The following EYS variants were observed in gnomAD, a reference collection of about 807,000 sequenced individuals.
The protein encoded by EYS is protein eyes shut homolog.
Under a neutral mutation model 282.1 loss-of-function variants are expected in EYS, and 250 were observed. The ratio of observed to expected loss-of-function variants is 0.89; its 90% CI spans 0.80 to 0.98. The LOEUF (loss-of-function observed/expected upper bound fraction) is 0.98. Ranked by LOEUF, EYS falls within the 50% of genes least tolerant of loss-of-function variation. The pLI, the probability that EYS is intolerant of heterozygous loss-of-function variation, is 0.00. For missense variants in EYS, 4,016 were observed against 3,709.0 expected (o/e 1.08, Z -2.15); for synonymous variants, 1,355 against 1,282.9 (o/e 1.06, Z -1.20).
At chr6:63,750,235 A>T (rs980006967) in intron 41 of EYS, among the ~76,000 whole-genome samples, 7 of 152,188 alleles carry the variant, frequency 4.6e-5, no homozygotes, top group African/African-American at 1.7e-4. Flanking sequence ...CTTGTTAAGC[A>T]GCTCATATAT....
intron 35 of EYS, among the ~76,000 whole-genome samples, chr6:63,872,992 A>G (rs1219954482): frequency 6.8e-6 from 1 of 146,076 alleles, no homozygotes; most frequent in Admixed American, 7.2e-5. Flanking sequence ...GGAGAAAAAT[A>G]TCTTTTTTTG....
chr6:64,583,538 G>C (rs1406542526), intron 26 of EYS, among the ~76,000 whole-genome samples: 1 of 152,110 alleles, frequency 6.6e-6, no homozygotes. Flanking sequence ...GCTCACGCCT[G>C]TTATCCCAAC....
chr6:64,658,491 A>T (rs1768848630), intron 22 of EYS, among the ~76,000 whole-genome samples: 1 of 151,948 alleles, frequency 6.6e-6, no homozygotes, highest in Non-Finnish European at 1.5e-5. Flanking sequence ...GGATTTATCT[A>T]CTTTTGGTCT....
intron 26 of EYS, among the ~76,000 whole-genome samples, chr6:64,477,648 A>G (rs988226815): frequency 1.3e-5 from 2 of 152,040 alleles, no homozygotes; most frequent in Admixed American, 6.6e-5. Context: ...ATTTATCCAT[A>G]CTTTTCACTA....
intron 5 of EYS, among the ~76,000 whole-genome samples, chr6:65,428,990 C>T (rs1269557404): frequency 1.3e-5 from 2 of 151,842 alleles, no homozygotes; most frequent in Admixed American, 1.3e-4. Flanking sequence ...CGAGACCAGC[C>T]TGACAAACAT....
intron 22 of EYS, among the ~76,000 whole-genome samples, chr6:64,712,264 T>C (rs770567006): frequency 3.9e-5 from 6 of 152,200 alleles, no homozygotes; most frequent in African/African-American, 7.2e-5. Flanking sequence ...AGCTATAGAA[T>C]ATATACGAGC....
intron 12 of EYS, among the ~76,000 whole-genome samples, chr6:65,169,370 T>C (rs995391071): frequency 3.3e-5 from 5 of 151,440 alleles, no homozygotes; most frequent in African/African-American, 1.2e-4. Flanking sequence ...ATTTGTGGCA[T>C]TGATAAATAG....
At chr6:65,530,464 T>C (rs1291388760) in intron 2 of EYS, among the ~76,000 whole-genome samples, 1 of 152,180 alleles carries the variant, frequency 6.6e-6, no homozygotes, top group Non-Finnish European at 1.5e-5. Flanking sequence ...GTGTCAAAGA[T>C]TGCATGGCTT....
intron 11 of EYS, chr6:65,301,052 T>C (rs1454692895): frequency 2.0e-5 from 3 of 152,226 alleles, no homozygotes; most frequent in Non-Finnish European, 2.9e-5. Context: ...GAATGACTGA[T>C]GAGTACAATG....
rs905219418 is a variant in EYS at position 63,876,884 on chromosome 6, C to T, written c.7056-12526G>A. ...TGTCTCTGCATGTGAGATGGGTCTC[C>T]TGAATACAGCACACTGGTGGGTCTT... On this transcript the variant is annotated intron_variant, in intron 35 of 42. Coordinates refer to ENST00000503581, the MANE Select transcript of EYS (RefSeq NM_001142800.2). Among the ~76,000 whole-genome samples, 4 of 152,102 alleles carry T rather than the reference C, an allele frequency of 2.6e-5. No individual in the cohort carries two copies. In the South Asian group the frequency reaches 8.3e-4, roughly 32 times the overall value.
At chr6:64,906,199 T>G (rs1767820966) in intron 16 of EYS, among the ~76,000 whole-genome samples, 1 of 151,638 alleles carries the variant, frequency 6.6e-6, no homozygotes, top group African/African-American at 2.4e-5. Flanking sequence ...CTTTAAAAAC[T>G]ATGAAATATG....
chr6:64,047,789 C>T (rs926965088), intron 33 of EYS, among the ~76,000 whole-genome samples: 1 of 152,192 alleles, frequency 6.6e-6, no homozygotes, highest in Non-Finnish European at 1.5e-5. Flanking sequence ...CGTGTCCCTA[C>T]TGAATATCGC....
At chr6:65,486,209 C>T (rs922813786) in intron 5 of EYS, among the ~76,000 whole-genome samples, 5 of 152,074 alleles carry the variant, frequency 3.3e-5, no homozygotes, top group African/African-American at 4.8e-5. Flanking sequence ...GCAAAATTCA[C>T]AAATAATTTT....
chr6:64,085,629 A>G (rs1017282532), intron 31 of EYS, among the ~76,000 whole-genome samples: 2 of 151,952 alleles, frequency 1.3e-5, no homozygotes, highest in African/African-American at 4.8e-5. Context: ...ATGGCACCTC[A>G]TTTGTTTACA....
chr6:65,244,267 C>A (rs2150278120), intron 12 of EYS, among the ~76,000 whole-genome samples: 1 of 152,226 alleles, frequency 6.6e-6, no homozygotes, highest in South Asian at 2.1e-4. Context: ...ATTATTTTAT[C>A]TTATTTTCCC....
At chr6:64,642,263 A>T (rs1768182748) in intron 22 of EYS, among the ~76,000 whole-genome samples, 1 of 152,208 alleles carries the variant, frequency 6.6e-6, no homozygotes, top group Non-Finnish European at 1.5e-5. Context: ...TTTAAATTTC[A>T]TTCGTAATTT....
At chr6:64,342,096 T>A (rs1329261568) in intron 29 of EYS, among the ~76,000 whole-genome samples, 1 of 151,582 alleles carries the variant, frequency 6.6e-6, no homozygotes, top group Non-Finnish European at 1.5e-5. Context: ...TGTAAAAATA[T>A]TGTATATAGT....
Position 65,592,743 on chromosome 6 carries a change from T to C in EYS, c.-333+47035A>G, listed in dbSNP as rs1765273233. Among the ~76,000 whole-genome samples the C allele has an allele frequency of 2.0e-5, 3 of 151,992 alleles. No homozygotes were observed. The South Asian group carries it at 6.2e-4, about 31-fold the overall frequency. ...ACACAGTTTAAAATTAAACTACACA[T>C]ATCCTTAAAATTTATCTGTGGGAGC... On this transcript the variant is annotated intron_variant, in intron 2 of 42. Transcript: ENST00000503581.
At chr6:65,467,510 C>CAA (rs1242543337) in intron 5 of EYS, among the ~76,000 whole-genome samples, 4 of 151,732 alleles carry the variant, frequency 2.6e-5, no homozygotes, top group Non-Finnish European at 5.9e-5. Context: ...TTTAAACACA[C>CAA]ACACACACAC....
Sources: allele counts gnomAD v4.1 joint callset (sites outside exome capture counted in the v4.1 genomes callset), GRCh38; gene constraint gnomAD v4.1.1; transcripts MANE v1.5; gene names NCBI Gene and HGNC (gene_info 2026-07-23, HGNC 2026-07-21).